Variants in HEPHL1 observed in about 807,000 individuals in gnomAD.
HEPHL1 encodes ferroxidase HEPHL1.
A neutral mutation model predicts 122.0 loss-of-function variants in HEPHL1; 123 were observed. That is an observed-to-expected ratio of 1.01 (90% CI 0.87 to 1.17). The LOEUF (loss-of-function observed/expected upper bound fraction) is 1.17, where lower values mean the gene tolerates loss of function less well. Among genes scored for constraint, HEPHL1 ranks in the 50% most tolerant of loss-of-function variants. HEPHL1 has a pLI of 0.00. For synonymous variants in HEPHL1, 527 were observed against 508.9 expected (o/e 1.04, Z -0.48); for missense variants, 1,452 against 1,430.5 (o/e 1.01, Z -0.24).
At position 94,110,903 on chromosome 11, in the gene HEPHL1, A is replaced by T; in HGVS notation, c.3046A>T (p.Ile1016Leu). 6.2e-7 allele frequency: 1 copy of T among 1,609,110 alleles called. No individual in the cohort carries two copies. Among genetic ancestry groups the T allele is most frequent in the Admixed American group, 1.7e-5 (1 of 59,544 alleles). The change falls in exon 18 of 20, where the codon ATA becomes TTA. Residue 1016 changes from isoleucine to leucine, a missense_variant and splice_region_variant. Coordinates refer to ENST00000315765, the MANE Select transcript of HEPHL1 (RefSeq NM_001098672.2). ...HYHAESFLFK[I>L]DKSYREDVYD... ...GTTGTTTTTTAAAACGTTTTTGCAG[A>T]TAGATAAATCTTACCGAGAAGATGT...
chr11:94,023,802 A>G (rs1229349707), intron 1 of HEPHL1, among the ~76,000 whole-genome samples: 1 of 152,166 alleles, frequency 6.6e-6, no homozygotes, highest in African/African-American at 2.4e-5. Flanking sequence ...TATGCAGTGG[A>G]CGTTGGCTTT....
Position 94,064,444 on chromosome 11 carries a change from T to C in HEPHL1, c.742T>C (p.Phe248Leu). The C allele has an allele frequency of 6.2e-7, 1 of 1,613,354 alleles. No individual in the cohort carries two copies. The highest frequency in any genetic ancestry group is 8.5e-7 in the Non-Finnish European group (1 of 1,179,434). ...SWYLNENIKHFCTNPDSVDKK... is the reference protein window; with the variant it reads ...SWYLNENIKHLCTNPDSVDKK... The stretch of plus-strand genomic sequence containing the variant: ...GTACCTCAATGAAAATATCAAACAT[T>C]TCTGCACCAACCCTGATTCAGTTGA... The change falls in exon 4 of 20, where the codon TTC becomes CTC. Residue 248 changes from phenylalanine to leucine, a missense_variant. Transcript: ENST00000315765.
chr11:94,107,039 C>T (rs1188082181), intron 17 of HEPHL1, among the ~76,000 whole-genome samples: 1 of 152,198 alleles, frequency 6.6e-6, no homozygotes, highest in Non-Finnish European at 1.5e-5. Context: ...CGACCCAGAC[C>T]TGCTGAATCA....
chr11:94,044,398 C>T (rs1489582013), intron 1 of HEPHL1, among the ~76,000 whole-genome samples: 3 of 152,180 alleles, frequency 2.0e-5, no homozygotes, highest in African/African-American at 7.2e-5. Flanking sequence ...TCCTTTAAAA[C>T]TTGCACACCA....
chr11:94,056,030 G>A (rs1945933413), intron 2 of HEPHL1: 2 of 597,230 alleles, frequency 3.3e-6, no homozygotes, highest in South Asian at 2.1e-5. Context: ...TTTAAATTAA[G>A]TCAGTTTTTC....
At chr11:94,028,315 C>T (rs2134403100) in intron 1 of HEPHL1, among the ~76,000 whole-genome samples, 1 of 152,194 alleles carries the variant, frequency 6.6e-6, no homozygotes, top group East Asian at 1.9e-4. Flanking sequence ...GCAATTGCTC[C>T]AAGGAAGCTA....
chr11:94,092,688 G>A (rs2134445575), intron 12 of HEPHL1, among the ~76,000 whole-genome samples: 1 of 152,194 alleles, frequency 6.6e-6, no homozygotes, highest in South Asian at 2.1e-4. Flanking sequence ...ATGAGTTACA[G>A]TGCTGTTGGC....
At chr11:94,044,841 G>C (rs1391035312) in intron 1 of HEPHL1, among the ~76,000 whole-genome samples, 2 of 148,458 alleles carry the variant, frequency 1.3e-5, no homozygotes, top group Non-Finnish European at 3.0e-5. Flanking sequence ...TGGCTCACCA[G>C]AGCCTTAACT....
At chr11:94,056,144 A>C (rs1057427867) in intron 2 of HEPHL1, among the ~76,000 whole-genome samples, 7 of 152,184 alleles carry the variant, frequency 4.6e-5, no homozygotes, top group African/African-American at 1.7e-4. Flanking sequence ...CTTTGTCTCT[A>C]ATAGCATTTC....
At chr11:94,053,390 A>G (rs1252079433) in intron 2 of HEPHL1, among the ~76,000 whole-genome samples, 1 of 151,478 alleles carries the variant, frequency 6.6e-6, no homozygotes, top group South Asian at 2.1e-4. Flanking sequence ...AATTTTGTTG[A>G]TCTTTTCTAA....
chr11:94,059,875 A>G (rs1320654821), intron 2 of HEPHL1, among the ~76,000 whole-genome samples: 3 of 151,946 alleles, frequency 2.0e-5, no homozygotes, highest in Non-Finnish European at 2.9e-5. Flanking sequence ...TTCTAGAACA[A>G]TTGTTATTTG....
intron 2 of HEPHL1, among the ~76,000 whole-genome samples, chr11:94,048,750 T>C (rs1945862224): frequency 7.3e-6 from 1 of 137,460 alleles, no homozygotes; most frequent in Non-Finnish European, 1.7e-5. Context: ...ATTTCAAATG[T>C]TGTTTACCCA....
rs1946469148 is a variant in HEPHL1, at chr11:94,113,655, T to C, written c.*1761T>C. On this transcript the variant is annotated 3_prime_UTR_variant, in exon 20 of 20. Coordinates refer to ENST00000315765, the MANE Select transcript of HEPHL1 (RefSeq NM_001098672.2). ...CTTAGTAAGACAAGTTGTTCAGTTG[T>C]TTTTTTTTCTTTTCAGTTTATTTTT... 6.8e-6 allele frequency: 1 copy of C among 146,708 alleles called. No homozygotes were observed. Among genetic ancestry groups the C allele is most frequent in the Non-Finnish European group, 1.5e-5 (1 of 67,474 alleles). 9.1% of individuals were successfully genotyped at this position (146,708 alleles called of 1,614,324 possible).
At chr11:94,079,184 A>G (rs529613361) in intron 9 of HEPHL1, among the ~76,000 whole-genome samples, 22 of 152,310 alleles carry the variant, frequency 1.4e-4, no homozygotes, top group African/African-American at 5.3e-4. Flanking sequence ...TAATCTTCAC[A>G]AAAAACATGA....
At chr11:94,031,892 G>C (rs1945679074) in intron 1 of HEPHL1, among the ~76,000 whole-genome samples, 1 of 152,256 alleles carries the variant, frequency 6.6e-6, no homozygotes, top group Non-Finnish European at 1.5e-5. Flanking sequence ...GAGTACTGAG[G>C]AGAGGAGAAA....
rs16919833 is a variant in HEPHL1 at position 94,023,700 on chromosome 11, G to A, written c.170+2162G>A. Among the ~76,000 whole-genome samples the A allele has an allele frequency of 9.1e-3, 1,393 of 152,262 alleles. 23 individuals carry two copies. Among genetic ancestry groups the A allele is most frequent in the African/African-American group, 0.032 (1,314 of 41,556 alleles). ...CATGCTAAGGTGTCATACCTAGAAC[G>A]CCAAGGTCCCCAAACATTTCTTTCT... On this transcript the variant is annotated intron_variant, in intron 1 of 19. Transcript: ENST00000315765.
In HEPHL1 at chr11:94,104,588, A is replaced by C; in HGVS notation, c.2743A>C (p.Lys915Gln). Residue 915 changes from lysine (K) to glutamine (Q), a missense_variant, in exon 16 of 20, where the codon AAG becomes CAG. By Grantham distance (53) the Lys-to-Gln change is moderately conservative. Transcript: ENST00000315765. ...ITCRKGVLNE[K>Q]GRRSDVDYEF... is the part of the protein sequence containing the mutation. ...ATGCCGAAAAGGAGTCTTGAATGAA[A>C]AGGGAAGAAGAAGTGACGTTGATTA... is the stretch of plus-strand genomic sequence containing the variant. 6.2e-7 allele frequency: 1 copy of C among 1,613,952 alleles called. No individual in the cohort carries two copies. The highest frequency in any genetic ancestry group is 2.2e-5 in the East Asian group (1 of 44,866).
intron 8 of HEPHL1, among the ~76,000 whole-genome samples, chr11:94,073,773 G>C (rs1344076843): frequency 6.6e-6 from 1 of 152,132 alleles, no homozygotes; most frequent in East Asian, 1.9e-4. Flanking sequence ...AAGATGGAGA[G>C]CTTTTCAGTT....
Position 94,093,739 on chromosome 11 carries a change from G to A in HEPHL1, c.2434+99G>A, listed in dbSNP as rs1565360382. 3.0e-6 allele frequency: 4 copies of A among 1,352,832 alleles called. No individual in the cohort carries two copies. The East Asian group carries it at 9.4e-5, about 32-fold the overall frequency. 83.8% of individuals were successfully genotyped at this position (1,352,832 alleles called of 1,614,324 possible). On this transcript the variant is annotated intron_variant, in intron 13 of 19. Transcript: ENST00000315765. ...CACTTGTGGCTAAGAAAGGATAGAA[G>A]AAACAGAGTAGCTTGACTGCATTCC... is the stretch of plus-strand genomic sequence containing the variant.
Sources: gnomAD v4.1 joint callset for allele counts (sites outside exome capture counted in the v4.1 genomes callset) on GRCh38, gnomAD v4.1.1 for gene constraint, MANE v1.5 for transcripts, NCBI Gene and HGNC (gene_info 2026-07-23, HGNC 2026-07-21) for gene names.